The following RBM20 variants were observed in gnomAD, a reference collection of about 807,000 sequenced individuals.
RBM20 encodes RNA binding motif protein 20.
A neutral mutation model predicts 110.1 loss-of-function variants in RBM20; 51 were observed. The ratio of observed to expected loss-of-function variants is 0.46; its 90% CI spans 0.37 to 0.59. RBM20 has a LOEUF of 0.59. Ranked by LOEUF, RBM20 falls within the 20% of genes least tolerant of loss-of-function variation. RBM20 has a pLI of 0.00. For synonymous variants in RBM20, 589 were observed against 618.2 expected (o/e 0.95, Z 0.70); for missense variants, 1,512 against 1,574.9 (o/e 0.96, Z 0.68).
intron 1 of RBM20, among the ~76,000 whole-genome samples, chr10:110,716,911 CAAAAAAAAAAAGA>C (rs934848317): frequency 3.2e-5 from 3 of 92,406 alleles, no homozygotes; most frequent in Non-Finnish European, 6.5e-5. Context: ...AACTCCGTCT[CAAAAAAAAAAAGA>C]AAAAAAAAAA....
intron 1 of RBM20, among the ~76,000 whole-genome samples, chr10:110,725,859 C>T (rs376048750): frequency 5.9e-5 from 9 of 152,340 alleles, no homozygotes; most frequent in South Asian, 2.1e-4. Context: ...TTCTCTGAGA[C>T]GGGAGGCAGG....
chr10:110,651,606 G>A (rs1192304861), intron 1 of RBM20, among the ~76,000 whole-genome samples: 1 of 152,148 alleles, frequency 6.6e-6, no homozygotes, highest in East Asian at 1.9e-4. Context: ...TGGTGACATC[G>A]ATGGTTTCAG....
chr10:110,649,158 G>A (rs1441226555), intron 1 of RBM20, among the ~76,000 whole-genome samples: 2 of 151,914 alleles, frequency 1.3e-5, no homozygotes, highest in Non-Finnish European at 2.9e-5. Flanking sequence ...TCACCAGGGG[G>A]CAGAAAAAAA....
intron 1 of RBM20, among the ~76,000 whole-genome samples, chr10:110,685,172 T>G (rs1862484537): frequency 6.6e-6 from 1 of 152,236 alleles, no homozygotes; most frequent in African/African-American, 2.4e-5. Context: ...CCTTACGCAT[T>G]CCTTGTCATC....
At chr10:110,704,207 T>G (rs949424333) in intron 1 of RBM20, among the ~76,000 whole-genome samples, 10 of 152,258 alleles carry the variant, frequency 6.6e-5, no homozygotes, top group African/African-American at 2.2e-4. Flanking sequence ...TATCTAAGTT[T>G]TTGAGTGTAT....
At chr10:110,785,460 G>A (rs748452011) in intron 5 of RBM20, among the ~76,000 whole-genome samples, 4 of 152,142 alleles carry the variant, frequency 2.6e-5, no homozygotes, top group African/African-American at 7.2e-5. Context: ...GGAGGCTGAG[G>A]CAAGAGAATC....
At chr10:110,772,026 A>G (rs533496958) in intron 1 of RBM20, among the ~76,000 whole-genome samples, 1 of 152,348 alleles carries the variant, frequency 6.6e-6, no homozygotes, top group African/African-American at 2.4e-5. Context: ...ATCTTATGTT[A>G]CCGAGAAAAT....
chr10:110,815,574 G>C (rs1368611761), intron 9 of RBM20, among the ~76,000 whole-genome samples: 2 of 152,196 alleles, frequency 1.3e-5, no homozygotes, highest in African/African-American at 2.4e-5. Flanking sequence ...CTCAAGGAAA[G>C]CCTGGGCTTC....
chr10:110,680,098 G>T (rs1180789881), intron 1 of RBM20, among the ~76,000 whole-genome samples: 1 of 152,162 alleles, frequency 6.6e-6, no homozygotes, highest in African/African-American at 2.4e-5. Flanking sequence ...AACTGTGAGT[G>T]GTGGCATTAG....
intron 1 of RBM20, among the ~76,000 whole-genome samples, chr10:110,649,148 T>A (rs1381451254): frequency 6.6e-6 from 1 of 152,144 alleles, no homozygotes; most frequent in Non-Finnish European, 1.5e-5. Context: ...GTCCTAATAG[T>A]CACCAGGGGG....
At chr10:110,815,490 A>T (rs1844826490) in intron 9 of RBM20, among the ~76,000 whole-genome samples, 1 of 152,216 alleles carries the variant, frequency 6.6e-6, no homozygotes. Flanking sequence ...TGGATATTTT[A>T]AAAAGTGTAT....
At chr10:110,753,140 T>C (rs565416576) in intron 1 of RBM20, among the ~76,000 whole-genome samples, 8 of 151,784 alleles carry the variant, frequency 5.3e-5, no homozygotes, top group African/African-American at 1.9e-4. Flanking sequence ...GGTTTCACCA[T>C]GTTGGTCAGG....
intron 1 of RBM20, among the ~76,000 whole-genome samples, chr10:110,718,426 GTT>G (rs1224728869): frequency 6.6e-6 from 1 of 152,064 alleles, no homozygotes; most frequent in Non-Finnish European, 1.5e-5. Context: ...ACTGACAGCT[GTT>G]TGGGGTATAA....
chr10:110,811,080 A>G (rs1039189752), intron 8 of RBM20, among the ~76,000 whole-genome samples: 21 of 152,234 alleles, frequency 1.4e-4, no homozygotes, highest in Admixed American at 9.8e-4. Flanking sequence ...CTACAAAGAC[A>G]GTTCCTGAAG....
intron 9 of RBM20, among the ~76,000 whole-genome samples, chr10:110,815,563 G>T (rs1034807097): frequency 7.9e-5 from 12 of 152,156 alleles, no homozygotes; most frequent in Admixed American, 3.3e-4. Flanking sequence ...GTTGGCAGGG[G>T]CTCAAGGAAA....
rs1430314042 is a variant in RBM20 at position 110,837,864 on chromosome 10, A to G, written c.*1886A>G. 1 of 152,256 alleles carries G rather than the reference A, an allele frequency of 6.6e-6. No individual in the cohort carries two copies. Among genetic ancestry groups the G allele is most frequent in the Non-Finnish European group, 1.5e-5 (1 of 68,052 alleles). 9.4% of individuals were successfully genotyped at this position (152,256 alleles called of 1,614,324 possible). The stretch of plus-strand genomic sequence containing the variant: ...TGATGCGGAGAGGTTGGAAGAAGCA[A>G]GAAACCTGAACTCATCATCAGGCTA... On this transcript the variant is annotated 3_prime_UTR_variant, in exon 14 of 14. Coordinates refer to ENST00000369519, the MANE Select transcript of RBM20 (RefSeq NM_001134363.3).
At chr10:110,718,608 C>CTTTTTTTTTTTTTTTTTTTTTT (rs61629487) in intron 1 of RBM20, among the ~76,000 whole-genome samples, 94 of 101,534 alleles carry the variant, frequency 9.3e-4, no homozygotes, top group Middle Eastern at 7.2e-3. Flanking sequence ...CTACTCCATT[C>CTTTTTTTTTTTTTTTTTTTTTT]TTTTTTTTTT....
rs527863372 is a variant in RBM20, at chr10:110,777,983, A to G, written c.192-2818A>G. The stretch of plus-strand genomic sequence containing the variant: ...CTTTTCTAAAGCTCAGCTACTTAAT[A>G]CTACACAAGTCAAAATCTATCATCA... On this transcript the variant is annotated intron_variant, in intron 1 of 13. Transcript: ENST00000369519. Among the ~76,000 whole-genome samples the G allele has an allele frequency of 2.0e-5, 3 of 152,320 alleles. No individual in the cohort carries two copies. In the East Asian group the frequency reaches 5.8e-4, roughly 29 times the overall value.
chr10:110,775,668 C>T (rs1384453197), intron 1 of RBM20, among the ~76,000 whole-genome samples: 1 of 152,166 alleles, frequency 6.6e-6, no homozygotes, highest in Non-Finnish European at 1.5e-5. Flanking sequence ...CCTGTAGCTC[C>T]AACTACTGGG....
Sources: allele counts gnomAD v4.1 joint callset (sites outside exome capture counted in the v4.1 genomes callset), GRCh38; gene constraint gnomAD v4.1.1; transcripts MANE v1.5; gene names NCBI Gene and HGNC (gene_info 2026-07-23, HGNC 2026-07-21).